Variants in C11orf65 observed in about 807,000 individuals in gnomAD.
C11orf65 encodes the protein protein MFI.
Under a neutral mutation model 35.3 loss-of-function variants are expected in C11orf65, and 38 were observed. The ratio of observed to expected loss-of-function variants is 1.08; its 90% confidence interval spans 0.83 to 1.41. The LOEUF (loss-of-function observed/expected upper bound fraction) is 1.41, where lower values mean the gene tolerates loss of function less well. Among genes scored for constraint, C11orf65 ranks in the 40% most tolerant of loss-of-function variants. The pLI, the probability that C11orf65 is intolerant of heterozygous loss-of-function variation, is 0.00. For missense variants in C11orf65, 370 were observed against 367.1 expected, an observed-to-expected ratio of 1.01 and a Z score of -0.06; for synonymous variants, 105 against 114.4, an observed-to-expected ratio of 0.92 and a Z score of 0.53.
At chr11:108,319,251 T>C (rs2085011673) in intron 6 of C11orf65, among the ~76,000 whole-genome samples, 1 of 152,192 alleles carries the variant, frequency 6.6e-6, no homozygotes, top group Non-Finnish European at 1.5e-5. Flanking sequence ...AGATATATCC[T>C]CATATTTTAA....
chr11:108,346,759 C>T (rs987584382), intron 2 of C11orf65, among the ~76,000 whole-genome samples: 10 of 152,048 alleles, frequency 6.6e-5, no homozygotes, highest in African/African-American at 1.9e-4. Flanking sequence ...CCCATTAGTG[C>T]ATGTCATCAT....
At chr11:108,462,847 T>C (rs979230853) in intron 1 of C11orf65, among the ~76,000 whole-genome samples, 6 of 152,178 alleles carry the variant, frequency 3.9e-5, no homozygotes, top group African/African-American at 1.4e-4. Context: ...GGGCTGAATA[T>C]AGTGACTCAT....
intron 2 of C11orf65, among the ~76,000 whole-genome samples, chr11:108,375,898 C>T (rs2091709925): frequency 1.3e-5 from 2 of 152,298 alleles, no homozygotes; most frequent in African/African-American, 4.8e-5. Flanking sequence ...AAGGCCATTA[C>T]ATAATGGTAA....
intron 2 of C11orf65, among the ~76,000 whole-genome samples, chr11:108,356,665 G>C (rs12277464): frequency 0.011 from 1,713 of 152,020 alleles, 23 homozygotes; most frequent in African/African-American, 0.038. Context: ...AGGTGGATTT[G>C]GGAGTTTCTT....
At chr11:108,309,521 A>G (rs1410934956) in intron 6 of C11orf65, among the ~76,000 whole-genome samples, 2 of 152,196 alleles carry the variant, frequency 1.3e-5, no homozygotes, top group Non-Finnish European at 2.9e-5. Flanking sequence ...GTAGTAGGCA[A>G]TATAGCTAGA....
rs1479992043 is a variant in C11orf65, at chr11:108,464,590, G to T, written c.-10+2881C>A. Among the ~76,000 whole-genome samples the T allele has an allele frequency of 2.0e-5, 3 of 151,800 alleles. No individual in the cohort carries two copies. In the East Asian group the frequency reaches 5.8e-4, roughly 30 times the overall value. Reference sequence around the variant, plus strand: ...TTGGTCAGAATGGTCTCCATCTCTTGACCTCGTGATCCACCCACCTCGGCC... The same window carrying T: ...TTGGTCAGAATGGTCTCCATCTCTTTACCTCGTGATCCACCCACCTCGGCC... On this transcript the variant is annotated intron_variant, in intron 1 of 8. Transcript: ENST00000393084.
At chr11:108,411,161 CAT>C (rs1366012974) in intron 3 of C11orf65, among the ~76,000 whole-genome samples, 4 of 152,078 alleles carry the variant, frequency 2.6e-5, no homozygotes, top group Non-Finnish European at 1.5e-5. Flanking sequence ...ATACATTCCA[CAT>C]GTTTTGATGT....
Position 108,367,079 on chromosome 11 carries a change from C to T in C11orf65, c.226+26129G>A, listed in dbSNP as rs886047621. Reference sequence around the variant, plus strand: ...CTCAGCTCACTGAAACCTCTGCCTCCTGGGTTCAAGCAATTCTCCTGCCTC... The same window carrying T: ...CTCAGCTCACTGAAACCTCTGCCTCTTGGGTTCAAGCAATTCTCCTGCCTC... On this transcript the variant is annotated intron_variant, in intron 2 of 3. Coordinates refer to the C11orf65 transcript ENST00000524755. The T allele has an allele frequency of 2.4e-4, 43 of 181,574 alleles. No homozygotes were observed. Among genetic ancestry groups the T allele is most frequent in the East Asian group, 5.4e-4 (6 of 11,010 alleles). The allele number at this position is 181,574 out of a possible 1,614,324, so 11.2% of individuals were successfully genotyped here. A position where few individuals can be genotyped will look rare whatever the true frequency, so the allele number is the denominator to read the frequency against.
At chr11:108,468,155 A>G (rs1469645967), upstream of C11orf65, among the ~76,000 whole-genome samples, 1 of 152,136 alleles carries the variant, frequency 6.6e-6, no homozygotes, top group Non-Finnish European at 1.5e-5. Context: ...CTATTTAATT[A>G]GTTTAATTTA....
chr11:108,425,184 C>CA (rs201132005), intron 3 of C11orf65, among the ~76,000 whole-genome samples: 2,678 of 151,898 alleles, frequency 0.018, 71 homozygotes, highest in African/African-American at 0.061. Context: ...ATAAGAGACA[C>CA]AAAAAAACCT....
intron 2 of C11orf65, among the ~76,000 whole-genome samples, chr11:108,374,325 T>C (rs997286554): frequency 1.3e-5 from 2 of 152,102 alleles, no homozygotes; most frequent in Admixed American, 6.6e-5. Context: ...GCATTCGCGG[T>C]TCATGAAAAT....
intron 2 of C11orf65, among the ~76,000 whole-genome samples, chr11:108,454,424 GAGT>G (rs1270898388): frequency 6.6e-6 from 1 of 151,222 alleles, no homozygotes; most frequent in East Asian, 1.9e-4. Context: ...TCAGCCTTCC[GAGT>G]AGTTGGGATT....
At position 108,343,350 on chromosome 11, in the gene C11orf65, T is replaced by A. The variant is rs2136952157; in HGVS notation, c.227-8058A>T. The A allele has an allele frequency of 1.2e-6, 2 of 1,613,964 alleles. No individual in the cohort carries two copies. The highest frequency in any genetic ancestry group is 1.7e-6 in the Non-Finnish European group (2 of 1,179,888). ...ACAGGCCAAATGATTTCAGTGCCTT[T>A]CAGTGCCAAAAGAAAATGATGGTGA... is the stretch of plus-strand genomic sequence containing the variant. On this transcript the variant is annotated intron_variant, in intron 2 of 3. Transcript: ENST00000524755.
At chr11:108,443,138 T>G (rs2135534371) in intron 2 of C11orf65, among the ~76,000 whole-genome samples, 1 of 151,710 alleles carries the variant, frequency 6.6e-6, no homozygotes, top group South Asian at 2.1e-4. Context: ...AACAAGCAAA[T>G]GGAAAACAAA....
Position 108,312,625 on chromosome 11 carries a change from T to C in C11orf65, c.641-3554A>G, listed in dbSNP as rs4988071. ...TTTACTTACTGGACTAAGCATCATATATATAAAATTATGGTCTGAAGCTTA... is the reference window on the plus strand; with the variant it reads ...TTTACTTACTGGACTAAGCATCATACATATAAAATTATGGTCTGAAGCTTA... On this transcript the variant is annotated intron_variant, in intron 6 of 6. Coordinates refer to the C11orf65 transcript ENST00000525729. The C allele has an allele frequency of 6.9e-5, 47 of 676,722 alleles. No individual in the cohort carries two copies. The African/African-American group carries it at 7.8e-4, about 11-fold the overall frequency. The allele number at this position is 676,722 out of a possible 1,614,324, so 41.9% of individuals were successfully genotyped here. A position where few individuals can be genotyped will look rare whatever the true frequency, so the allele number is the denominator to read the frequency against.
Position 108,347,260 on chromosome 11 carries a change from T to C in C11orf65, c.227-11968A>G, listed in dbSNP as rs2137076742. The C allele has an allele frequency of 3.9e-6, 6 of 1,542,098 alleles. No homozygotes were observed. The highest frequency in any genetic ancestry group is 4.5e-6 in the Non-Finnish European group (5 of 1,114,860). ...GATGGAATCAGTGATTTCAGATTGT[T>C]TGTTTCTTTTTTCTCCAGTTGGTTA... On this transcript the variant is annotated intron_variant, in intron 2 of 3. Coordinates refer to the C11orf65 transcript ENST00000524755.
chr11:108,317,632 TATATATATATATATATATATAC>T, intron 6 of C11orf65: 1 of 172,852 alleles, frequency 5.8e-6, no homozygotes, highest in Non-Finnish European at 1.0e-5. Flanking sequence ...TATATATATA[TATATATATATATATATATATAC>T]ACACACACAC....
intron 2 of C11orf65, among the ~76,000 whole-genome samples, chr11:108,459,103 C>G (rs1398800358): frequency 2.0e-5 from 3 of 152,122 alleles, no homozygotes; most frequent in Admixed American, 6.6e-5. Flanking sequence ...TGGGTATCGT[C>G]AAGTAGCCAG....
At chr11:108,368,855 A>C (rs2091462292) in intron 2 of C11orf65, 2 of 201,580 alleles carry the variant, frequency 9.9e-6, no homozygotes, top group Non-Finnish European at 1.0e-5. Flanking sequence ...TAAAAATTTA[A>C]ATATGGTCTA....
Sources: allele counts gnomAD v4.1 joint callset (sites outside exome capture counted in the v4.1 genomes callset), GRCh38; gene constraint gnomAD v4.1.1; transcripts MANE v1.5; gene names NCBI Gene and HGNC (gene_info 2026-07-23, HGNC 2026-07-21).